PDE1A: variants seen among roughly 807,000 people sequenced by gnomAD.
The protein encoded by PDE1A is phosphodiesterase 1A, also known as dual specificity calcium/calmodulin-dependent 3',5'-cyclic nucleotide phosphodiesterase 1A.
A neutral mutation model predicts 61.7 loss-of-function variants in PDE1A; 35 were observed. That is an observed-to-expected ratio of 0.57 (90% CI 0.43 to 0.75). The LOEUF (loss-of-function observed/expected upper bound fraction) is 0.75. PDE1A is among the 30% of genes least tolerant of loss of function. The pLI is 0.00. For missense variants in PDE1A, 597 were observed against 630.6 expected, an observed-to-expected ratio of 0.95 and a Z score of 0.57; for synonymous variants, 232 against 213.2, an observed-to-expected ratio of 1.09 and a Z score of -0.77.
At chr2:182,677,459 T>C in the PDE1A span, among the ~76,000 whole-genome samples, 5 of 152,112 alleles carry the variant, frequency 3.3e-5, no homozygotes, top group African/African-American at 1.2e-4. Context: ...AGAATTAATA[T>C]CATTAAAATG....
At chr2:182,607,227 T>C in the PDE1A span, among the ~76,000 whole-genome samples, 1 of 152,156 alleles carries the variant, frequency 6.6e-6, no homozygotes, top group Admixed American at 6.5e-5. Flanking sequence ...GTTGGTTTTC[T>C]GAGAAAGCAA....
At position 182,473,797 on chromosome 2, in the gene PDE1A, C is replaced by T. The variant is rs116177058; in HGVS notation, c.101+48479G>A. Reference sequence around the variant, plus strand: ...AGATAATGGCCTTCAGCTCCATCCACGTTCCTTCAAAGAACATGATCTCAT... The same window carrying T: ...AGATAATGGCCTTCAGCTCCATCCATGTTCCTTCAAAGAACATGATCTCAT... On this transcript the variant is annotated intron_variant, in intron 2 of 14. Transcript: ENST00000410103. 5.5e-3 allele frequency among the ~76,000 whole-genome samples: 829 copies of T among 152,024 alleles called. 7 individuals carry two copies. Among genetic ancestry groups the T allele is most frequent in the African/African-American group, 0.019 (775 of 41,518 alleles).
At chr2:182,473,056 C>T (rs1431679226) in intron 2 of PDE1A, among the ~76,000 whole-genome samples, 1 of 151,476 alleles carries the variant, frequency 6.6e-6, no homozygotes, top group Non-Finnish European at 1.5e-5. Context: ...TGGTGTGCTG[C>T]ACCCATTTAG....
chr2:182,356,056 G>A (rs1296964948), intron 1 of PDE1A, among the ~76,000 whole-genome samples: 2 of 152,124 alleles, frequency 1.3e-5, no homozygotes, highest in Non-Finnish European at 2.9e-5. Flanking sequence ...TGTAACAAGA[G>A]CTTTTGAATT....
intron 13 of PDE1A, among the ~76,000 whole-genome samples, chr2:182,158,861 AT>A (rs892254131): frequency 2.6e-5 from 4 of 152,098 alleles, no homozygotes; most frequent in Non-Finnish European, 5.9e-5. Flanking sequence ...ACTTTGCATA[AT>A]TTTTTTCTTT....
the PDE1A span, among the ~76,000 whole-genome samples, chr2:182,697,720 G>GGTAGATAA: frequency 1.9e-3 from 290 of 152,364 alleles, 1 homozygote; most frequent in African/African-American, 6.7e-3. Flanking sequence ...GCTATAGGCA[G>GGTAGATAA]ATCAGTGACA....
the PDE1A span, among the ~76,000 whole-genome samples, chr2:182,529,127 C>T: frequency 3.3e-5 from 5 of 152,270 alleles, no homozygotes; most frequent in Non-Finnish European, 5.9e-5. Flanking sequence ...CAGCTTGCAC[C>T]GTGCACGTGG....
the PDE1A span, among the ~76,000 whole-genome samples, chr2:182,567,310 C>G: frequency 2.4e-4 from 37 of 152,288 alleles, no homozygotes; most frequent in East Asian, 3.1e-3. Context: ...TCTCTCCCAG[C>G]TGGTGACCTA....
chr2:182,287,197 C>T (rs1694222453), intron 1 of PDE1A, among the ~76,000 whole-genome samples: 1 of 152,050 alleles, frequency 6.6e-6, no homozygotes, highest in African/African-American at 2.4e-5. Flanking sequence ...TTCTAGAACA[C>T]TCTTCCATAA....
intron 1 of PDE1A, among the ~76,000 whole-genome samples, chr2:182,328,897 G>A (rs1273689502): frequency 3.3e-5 from 5 of 152,144 alleles, no homozygotes; most frequent in Admixed American, 6.5e-5. Flanking sequence ...TCCATAGCAA[G>A]AGCTTTTAAC....
At chr2:182,219,896 C>A (rs193247096) in intron 7 of PDE1A, among the ~76,000 whole-genome samples, 44 of 151,992 alleles carry the variant, frequency 2.9e-4, no homozygotes, top group African/African-American at 8.7e-4. Context: ...TGTTATATAC[C>A]ATAAATGTAC....
intron 1 of PDE1A, among the ~76,000 whole-genome samples, chr2:182,273,858 T>C (rs1271099825): frequency 6.6e-6 from 1 of 152,076 alleles, no homozygotes; most frequent in Admixed American, 6.6e-5. Context: ...TCAGCACCAG[T>C]TCCACCAAAA....
intron 1 of PDE1A, among the ~76,000 whole-genome samples, chr2:182,311,539 CT>C (rs1436413144): frequency 6.6e-5 from 10 of 152,140 alleles, no homozygotes; most frequent in African/African-American, 2.4e-4. Context: ...TACAGTTTTG[CT>C]TTTCTAAAAT....
intron 1 of PDE1A, among the ~76,000 whole-genome samples, chr2:182,329,904 T>C (rs767463446): frequency 9.9e-5 from 15 of 152,234 alleles, no homozygotes; most frequent in Non-Finnish European, 2.1e-4. Context: ...TTCTGTTTTG[T>C]TTTTGCTCGT....
chr2:182,588,933 C>A, the PDE1A span, among the ~76,000 whole-genome samples: 694 of 151,602 alleles, frequency 4.6e-3, 4 homozygotes, highest in African/African-American at 0.016. Flanking sequence ...ATCCCAGCTA[C>A]TTGGGAGGCT....
chr2:182,233,401 T>G (rs1359220800), intron 4 of PDE1A, among the ~76,000 whole-genome samples: 1 of 152,096 alleles, frequency 6.6e-6, no homozygotes. Context: ...CAAAATCTAG[T>G]GTCCCCTCTG....
chr2:182,707,036 T>C, the PDE1A span, among the ~76,000 whole-genome samples: 2 of 152,336 alleles, frequency 1.3e-5, no homozygotes, highest in African/African-American at 4.8e-5. Flanking sequence ...TACTAGTTTA[T>C]TCCCCCTATT....
chr2:182,310,269 C>T (rs1343650878), intron 1 of PDE1A, among the ~76,000 whole-genome samples: 2 of 152,096 alleles, frequency 1.3e-5, no homozygotes, highest in African/African-American at 4.8e-5. Context: ...CTGTGGTTTC[C>T]TTTCCTTTAT....
intron 1 of PDE1A, among the ~76,000 whole-genome samples, chr2:182,414,066 T>C (rs1178792817): frequency 6.6e-6 from 1 of 152,162 alleles, no homozygotes; most frequent in Non-Finnish European, 1.5e-5. Context: ...AGTTGAGATC[T>C]GCACATGTAA....
Sources: gnomAD v4.1 joint callset for allele counts (sites outside exome capture counted in the v4.1 genomes callset) on GRCh38, gnomAD v4.1.1 for gene constraint, MANE v1.5 for transcripts, NCBI Gene and HGNC (gene_info 2026-07-23, HGNC 2026-07-21) for gene names.